Variants in FBH1 observed in about 807,000 individuals in gnomAD.
The protein encoded by FBH1 is DNA 3'-5' helicase 1.
A neutral mutation model predicts 115.5 loss-of-function variants in FBH1; 43 were observed. That is an observed-to-expected ratio of 0.37 (90% CI 0.29 to 0.48). FBH1 has a LOEUF of 0.48. Ranked by LOEUF, FBH1 falls within the 20% of genes least tolerant of loss-of-function variation. The pLI is 0.99. For missense variants in FBH1, 1,001 were observed against 1,337.3 expected, an observed-to-expected ratio of 0.75 and a Z score of 3.92; for synonymous variants, 524 against 507.8, an observed-to-expected ratio of 1.03 and a Z score of -0.43.
Position 5,914,090 on chromosome 10 carries a change from A to G in FBH1, c.1305-88A>G. On this transcript the variant is annotated intron_variant, in intron 7 of 20. Coordinates refer to ENST00000362091, the MANE Select transcript of FBH1 (RefSeq NM_178150.3). This position sits in a 1 kb window ranked among gnomAD's most constrained non-coding sequence, Gnocchi z 5.2. ...TTTTTTGGTCAGCTTTTGTTTATCC[A>G]GTTTGTATGTTTGGTTTTTGGACTG... 1 of 1,280,122 alleles carries G rather than the reference A, an allele frequency of 7.8e-7. No individual in the cohort carries two copies. The highest frequency in any genetic ancestry group is 1.1e-6 in the Non-Finnish European group (1 of 897,344). 79.3% of individuals were successfully genotyped at this position (1,280,122 alleles called of 1,614,324 possible).
rs1301906900 is a variant in FBH1 at position 5,910,278 on chromosome 10, T to A, written c.1021-660T>A. On this transcript the variant is annotated intron_variant, in intron 5 of 20. Coordinates refer to ENST00000362091, the MANE Select transcript of FBH1 (RefSeq NM_178150.3). The surrounding 1 kb of genome is among the most constrained non-coding windows in gnomAD (Gnocchi z 4.8). The stretch of plus-strand genomic sequence containing the variant: ...GCCTGTGTGACAGAGTCAGACTTTG[T>A]CTCAAAAAAAAAAAAAGATGAAGAT... Among the ~76,000 whole-genome samples the A allele has an allele frequency of 2.0e-5, 3 of 150,386 alleles. No homozygotes were observed. The highest frequency in any genetic ancestry group is 7.4e-5 in the African/African-American group (3 of 40,758).
intron 1 of FBH1, among the ~76,000 whole-genome samples, chr10:5,898,943 C>T (rs1843170912): frequency 6.6e-6 from 1 of 152,202 alleles, no homozygotes; most frequent in Non-Finnish European, 1.5e-5. Flanking sequence ...TGGTCATTAT[C>T]AATGCACCGT....
At chr10:5,927,106 C>G (rs747765510) in intron 18 of FBH1, among the ~76,000 whole-genome samples, 4 of 152,228 alleles carry the variant, frequency 2.6e-5, no homozygotes, top group Admixed American at 6.5e-5. Flanking sequence ...GTTTCCCCGT[C>G]TGTCTCACGG....
chr10:5,929,982 G>T (rs1476919150), intron 19 of FBH1: 1 of 152,120 alleles, frequency 6.6e-6, no homozygotes, highest in African/African-American at 2.4e-5. Context: ...ATTGTCAATT[G>T]GTAGAACTGT....
In FBH1 at chr10:5,921,353, T is replaced by C; in HGVS notation, c.2196T>C (p.His732=). The C allele has an allele frequency of 6.2e-7, 1 of 1,614,180 alleles. No homozygotes were observed. Among genetic ancestry groups the C allele is most frequent in the East Asian group, 2.2e-5 (1 of 44,884 alleles). Residue 732 remains histidine (H), a synonymous_variant, in exon 14 of 21, where the codon CAT becomes CAC. Transcript: ENST00000362091. The surrounding 1 kb of genome is among the most constrained non-coding windows in gnomAD (Gnocchi z 6.4). ...VRKKTLVGGN[H]QSGIRGDAKG... is the part of the protein sequence containing the mutation. ...AAAAGACTTTGGTTGGAGGAAACCA[T>C]CAGAGTAAGGCTTTTAGTTACTCTT... is the stretch of plus-strand genomic sequence containing the variant.
Position 5,921,610 on chromosome 10 carries a change from G to A in FBH1, c.2322+41G>A, listed in dbSNP as rs751347387. 7.6e-6 allele frequency: 12 copies of A among 1,578,382 alleles called. No homozygotes were observed. Among genetic ancestry groups the A allele is most frequent in the Admixed American group, 4.3e-5 (2 of 46,738 alleles). ...TGTTGACCACTTCATGCACAGAAAC[G>A]TTGTAGACGAACATACCCAATGGAA... is the stretch of plus-strand genomic sequence containing the variant. On this transcript the variant is annotated intron_variant, in intron 15 of 20. Transcript: ENST00000362091. The surrounding 1 kb of genome is among the most constrained non-coding windows in gnomAD (Gnocchi z 6.4).
At chr10:5,907,449 G>T (rs1843769304) in intron 3 of FBH1, among the ~76,000 whole-genome samples, 2 of 148,454 alleles carry the variant, frequency 1.3e-5, no homozygotes, top group African/African-American at 4.9e-5. Context: ...GTTGTTTTAA[G>T]AATGTGTTTT....
At chr10:5,894,673 G>T (rs1228700098) in intron 1 of FBH1, among the ~76,000 whole-genome samples, 1 of 152,242 alleles carries the variant, frequency 6.6e-6, no homozygotes, top group Non-Finnish European at 1.5e-5. Context: ...CACTTCAGAA[G>T]AAGTGCTGCA....
Position 5,895,511 on chromosome 10 carries a change from C to T in FBH1, c.1+5165C>T, listed in dbSNP as rs1419851828. 6.6e-6 allele frequency among the ~76,000 whole-genome samples: 1 copy of T among 152,044 alleles called. No homozygotes were observed. Among genetic ancestry groups the T allele is most frequent in the Non-Finnish European group, 1.5e-5 (1 of 68,018 alleles). ...GGAAGAAAGGAAATTATTTGGTATCCATTTCAAATGATCCTGAATGGTTAG... is the reference window on the plus strand; with the variant it reads ...GGAAGAAAGGAAATTATTTGGTATCTATTTCAAATGATCCTGAATGGTTAG... On this transcript the variant is annotated intron_variant, in intron 1 of 20. Coordinates refer to ENST00000362091, the MANE Select transcript of FBH1 (RefSeq NM_178150.3). This position sits in a 1 kb window ranked among gnomAD's most constrained non-coding sequence, Gnocchi z 5.0.
At chr10:5,905,476 C>A (rs965066220) in intron 2 of FBH1, among the ~76,000 whole-genome samples, 1 of 152,174 alleles carries the variant, frequency 6.6e-6, no homozygotes, top group Non-Finnish European at 1.5e-5. Context: ...CAAGATCACA[C>A]CACTGCACTC....
At position 5,927,508 on chromosome 10, in the gene FBH1, C is replaced by T. The variant is rs1394819505; in HGVS notation, c.2796C>T (p.Thr932=). 1 of 1,613,176 alleles carries T rather than the reference C, an allele frequency of 6.2e-7. No homozygotes were observed. ...VTRAKKRLIM[T]KSLENILTLA... is the part of the protein sequence containing the mutation. ...GAGCCAAGAAGCGTCTCATCATGAC[C>T]AAATCATTGGAAAACATTTTGACTT... Residue 932 remains threonine, a synonymous_variant, in exon 19 of 21, where the codon ACC becomes ACT. Coordinates refer to ENST00000362091, the MANE Select transcript of FBH1 (RefSeq NM_178150.3).
In FBH1 at chr10:5,909,579, C is replaced by G. The variant is rs1287047658; in HGVS notation, c.1020+285C>G. On this transcript the variant is annotated intron_variant, in intron 5 of 20. Transcript: ENST00000362091. The surrounding 1 kb of genome is among the most constrained non-coding windows in gnomAD (Gnocchi z 4.4). ...ATATTTCTGAAAAGTGGTCATCTAG[C>G]CTCTGAACACTTTTAATAATAGGAT... is the stretch of plus-strand genomic sequence containing the variant. 2.9e-5 allele frequency: 11 copies of G among 380,378 alleles called. No individual in the cohort carries two copies. The East Asian group carries it at 4.9e-4, about 17-fold the overall frequency. 23.6% of individuals were successfully genotyped at this position (380,378 alleles called of 1,614,324 possible).
chr10:5,930,167 A>G (rs622758), intron 19 of FBH1, among the ~76,000 whole-genome samples: 52,242 of 152,100 alleles, frequency 0.34, 10,547 homozygotes, highest in East Asian at 0.68. Flanking sequence ...TTTTTTCCCC[A>G]TAACTACCAT....
intron 6 of FBH1, among the ~76,000 whole-genome samples, chr10:5,912,776 A>G (rs1055946501): frequency 1.3e-5 from 2 of 152,330 alleles, no homozygotes; most frequent in East Asian, 1.9e-4. Context: ...CTCACCTAAC[A>G]TTAACTACTT....
chr10:5,923,989 C>T lies in FBH1; in HGVS notation c.2398+293C>T. 1 of 557,634 alleles carries T rather than the reference C, an allele frequency of 1.8e-6. No individual in the cohort carries two copies. 34.5% of individuals were successfully genotyped at this position (557,634 alleles called of 1,614,324 possible). Reference sequence around the variant, plus strand: ...TGGGCCAATTTATACGTTGATACTTCCACGTGGGCCCCAAGTGATAGCGTC... The same window carrying T: ...TGGGCCAATTTATACGTTGATACTTTCACGTGGGCCCCAAGTGATAGCGTC... On this transcript the variant is annotated intron_variant, in intron 16 of 20. Transcript: ENST00000362091. This position sits in a 1 kb window ranked among gnomAD's most constrained non-coding sequence, Gnocchi z 5.7.
chr10:5,904,025 A>G (rs1843539748), intron 2 of FBH1, among the ~76,000 whole-genome samples: 1 of 151,940 alleles, frequency 6.6e-6, no homozygotes, highest in Admixed American at 6.6e-5. Context: ...TGATACAACT[A>G]ATTTCAGAAT....
intron 2 of FBH1, among the ~76,000 whole-genome samples, chr10:5,904,409 C>T (rs1459376027): frequency 6.6e-6 from 1 of 152,176 alleles, no homozygotes; most frequent in Non-Finnish European, 1.5e-5. Context: ...TTGAAACTTA[C>T]TTATATCCTG....
At chr10:5,894,805 C>A (rs918391783) in intron 1 of FBH1, among the ~76,000 whole-genome samples, 1 of 152,100 alleles carries the variant, frequency 6.6e-6, no homozygotes, top group African/African-American at 2.4e-5. Flanking sequence ...GGATGGAAGA[C>A]GTATTAAATA....
At position 5,918,448 on chromosome 10, in the gene FBH1, G is replaced by A. The variant is rs963564607; in HGVS notation, c.2070G>A (p.Val690=). ...GTGCGGTCAACGCCCTGTTCACAGT[G>A]CCCCACACCCACGTCTTCTATCTCA... ...FRGAVNALFT[V]PHTHVFYLTQ... is the part of the protein sequence containing the mutation. Residue 690 remains valine (V), a synonymous_variant, in exon 13 of 21, where the codon GTG becomes GTA. Transcript: ENST00000362091. The surrounding 1 kb of genome is among the most constrained non-coding windows in gnomAD (Gnocchi z 4.0). 2 of 1,604,570 alleles carry A rather than the reference G, an allele frequency of 1.2e-6. No homozygotes were observed. The highest frequency in any genetic ancestry group is 2.7e-5 in the African/African-American group (2 of 74,044).
Sources: allele counts gnomAD v4.1 joint callset (sites outside exome capture counted in the v4.1 genomes callset), GRCh38; gene constraint gnomAD v4.1.1; non-coding constraint Gnocchi (gnomAD v3.1); transcripts MANE v1.5; gene names NCBI Gene and HGNC (gene_info 2026-07-23, HGNC 2026-07-21).